Variants in BCAS3 observed in about 807,000 individuals in gnomAD.
The protein encoded by BCAS3 is BCAS3 microtubule associated cell migration factor.
Under a neutral mutation model 116.1 loss-of-function variants are expected in BCAS3, and 53 were observed. That is an observed-to-expected ratio of 0.46 (90% confidence interval 0.37 to 0.57). BCAS3 has a LOEUF of 0.57. Ranked by LOEUF, BCAS3 falls within the 20% of genes least tolerant of loss-of-function variation. BCAS3 has a pLI of 0.00. For missense variants in BCAS3, 917 were observed against 1,165.4 expected (o/e 0.79, Z 3.10); for synonymous variants, 391 against 408.2 (o/e 0.96, Z 0.51).
chr17:61,045,978 TATATATATATTTA>T (rs2068165563), intron 19 of BCAS3, among the ~76,000 whole-genome samples: 1 of 9,178 alleles, frequency 1.1e-4, no homozygotes, highest in African/African-American at 2.0e-3. Flanking sequence ...ATATATATAT[TATATATATATTTA>T]TATATATATA....
intron 5 of BCAS3, among the ~76,000 whole-genome samples, chr17:60,739,456 C>T (rs988471626): frequency 2.0e-5 from 3 of 152,038 alleles, no homozygotes; most frequent in Non-Finnish European, 4.4e-5. Context: ...CCTGTCTCTA[C>T]TAAAACTACG....
chr17:60,794,833 G>A (rs2047073998), intron 6 of BCAS3, among the ~76,000 whole-genome samples: 2 of 152,146 alleles, frequency 1.3e-5, no homozygotes, highest in African/African-American at 2.4e-5. Flanking sequence ...AAATTAGGTA[G>A]TATGAGGCCT....
Position 61,008,944 on chromosome 17 carries a change from A to C in BCAS3, c.1487-6807A>C, listed in dbSNP as rs1185323256. ...GCTCAGTAATCCGATTTCAAAATGC[A>C]AGAGTTCCAAATAGGAGACCAAAGA... On this transcript the variant is annotated intron_variant, in intron 15 of 23. Coordinates refer to ENST00000407086, the MANE Select transcript of BCAS3 (RefSeq NM_017679.5). The surrounding 1 kb of genome is among the most constrained non-coding windows in gnomAD (Gnocchi z 4.6). 1.3e-5 allele frequency among the ~76,000 whole-genome samples: 2 copies of C among 152,040 alleles called. No individual in the cohort carries two copies. Among genetic ancestry groups the C allele is most frequent in the Non-Finnish European group, 2.9e-5 (2 of 67,972 alleles).
Position 61,228,307 on chromosome 17 carries a change from A to G in BCAS3, c.2426-140020A>G, listed in dbSNP as rs367956935. On this transcript the variant is annotated intron_variant, in intron 22 of 23. Coordinates refer to ENST00000407086, the MANE Select transcript of BCAS3 (RefSeq NM_017679.5). This position sits in a 1 kb window ranked among gnomAD's most constrained non-coding sequence, Gnocchi z 5.0. Reference sequence around the variant, plus strand: ...TAGACACATCAAAATCTATTACCAGAAAAGTTGCCTTACCAGGAAACCGTA... The same window carrying G: ...TAGACACATCAAAATCTATTACCAGGAAAGTTGCCTTACCAGGAAACCGTA... Among the ~76,000 whole-genome samples, 890 of 152,334 alleles carry G rather than the reference A, an allele frequency of 5.8e-3. 5 individuals are homozygous for G. Among genetic ancestry groups the G allele is most frequent in the Middle Eastern group, 0.02 (6 of 294 alleles).
chr17:61,202,856 C>T (rs954878841), intron 22 of BCAS3, among the ~76,000 whole-genome samples: 12 of 152,140 alleles, frequency 7.9e-5, no homozygotes, highest in Non-Finnish European at 1.3e-4. Context: ...GCCTAAATAT[C>T]TCATAGATTA....
chr17:60,686,255 G>T (rs555526058), intron 3 of BCAS3, among the ~76,000 whole-genome samples: 1 of 152,038 alleles, frequency 6.6e-6, no homozygotes, highest in Admixed American at 6.6e-5. Context: ...AGAGTCCTGC[G>T]TTGGTACTTT....
At chr17:61,353,301 T>G (rs1207876551) in intron 22 of BCAS3, among the ~76,000 whole-genome samples, 1 of 152,090 alleles carries the variant, frequency 6.6e-6, no homozygotes, top group Non-Finnish European at 1.5e-5. Flanking sequence ...GAGTAGGGTG[T>G]GGGCAGTGAT....
intron 6 of BCAS3, among the ~76,000 whole-genome samples, chr17:60,771,634 G>A (rs763731379): frequency 6.6e-6 from 1 of 151,968 alleles, no homozygotes; most frequent in Non-Finnish European, 1.5e-5. Flanking sequence ...CATGTGCCAT[G>A]TTGGTGTGCT....
chr17:61,356,764 G>A lies in BCAS3; in HGVS notation c.2426-11563G>A, dbSNP rs967124132. 2 of 152,200 alleles carry A rather than the reference G, an allele frequency of 1.3e-5. No individual in the cohort carries two copies. The highest frequency in any genetic ancestry group is 4.8e-5 in the African/African-American group (2 of 41,446). The allele number at this position is 152,200 out of a possible 1,614,324, so 9.4% of individuals were successfully genotyped here. A position where few individuals can be genotyped will look rare whatever the true frequency, so the allele number is the denominator to read the frequency against. Reference sequence around the variant, plus strand: ...TCTGATGTATGAAATTTGTACAGAGGTGGAATCGTTTCTGCCATTTTTCAC... The same window carrying A: ...TCTGATGTATGAAATTTGTACAGAGATGGAATCGTTTCTGCCATTTTTCAC... On this transcript the variant is annotated intron_variant, in intron 22 of 23. Transcript: ENST00000407086. The surrounding 1 kb of genome is among the most constrained non-coding windows in gnomAD (Gnocchi z 5.4).
At position 61,285,812 on chromosome 17, in the gene BCAS3, C is replaced by G. The variant is rs1459239622; in HGVS notation, c.2426-82515C>G. Among the ~76,000 whole-genome samples the G allele has an allele frequency of 6.6e-5, 10 of 152,038 alleles. No homozygotes were observed. Among genetic ancestry groups the G allele is most frequent in the Non-Finnish European group, 2.9e-5 (2 of 67,998 alleles). On this transcript the variant is annotated intron_variant, in intron 22 of 23. Coordinates refer to ENST00000407086, the MANE Select transcript of BCAS3 (RefSeq NM_017679.5). The surrounding 1 kb of genome is among the most constrained non-coding windows in gnomAD (Gnocchi z 5.4). ...GGTAAAGGAGCCTGCAGCTGAGCCT[C>G]GAGTTTCTCATGTCTTCCCTCCCAT... is the stretch of plus-strand genomic sequence containing the variant.
intron 7 of BCAS3, among the ~76,000 whole-genome samples, chr17:60,815,433 T>TA (rs1240904370): frequency 2.0e-5 from 3 of 151,754 alleles, no homozygotes; most frequent in Non-Finnish European, 4.4e-5. Context: ...CCCTAGAACT[T>TA]AAAGTGTAAT....
At chr17:61,094,357 C>T (rs2073829061) in intron 22 of BCAS3, among the ~76,000 whole-genome samples, 1 of 152,158 alleles carries the variant, frequency 6.6e-6, no homozygotes, top group African/African-American at 2.4e-5. Context: ...CCCATTTTAT[C>T]TGAATAAAAC....
Position 60,962,928 on chromosome 17 carries a change from T to C in BCAS3, c.1221+15576T>C, listed in dbSNP as rs76237269. Among the ~76,000 whole-genome samples the C allele has an allele frequency of 4.7e-3, 711 of 152,320 alleles. 4 individuals are homozygous for C. The highest frequency in any genetic ancestry group is 6.9e-3 in the Non-Finnish European group (472 of 68,018). On this transcript the variant is annotated intron_variant, in intron 14 of 23. Coordinates refer to ENST00000407086, the MANE Select transcript of BCAS3 (RefSeq NM_017679.5). This position sits in a 1 kb window ranked among gnomAD's most constrained non-coding sequence, Gnocchi z 4.4. ...ATTTGATTTTTGTTATGGTGAGAGA[T>C]AGAGGTCTAGTTTCATTCTTCTGCA...
At chr17:60,954,478 A>G (rs1468518875) in intron 14 of BCAS3, among the ~76,000 whole-genome samples, 1 of 152,174 alleles carries the variant, frequency 6.6e-6, no homozygotes, top group Non-Finnish European at 1.5e-5. Context: ...ATTAATTCAC[A>G]CTGTTGTGCA....
intron 22 of BCAS3, among the ~76,000 whole-genome samples, chr17:61,294,256 T>C (rs1050314295): frequency 6.6e-6 from 1 of 152,198 alleles, no homozygotes; most frequent in Non-Finnish European, 1.5e-5. Flanking sequence ...TAATATCATA[T>C]GTTTTTATTC....
At chr17:61,338,724 G>A (rs1034674780) in intron 22 of BCAS3, among the ~76,000 whole-genome samples, 5 of 152,062 alleles carry the variant, frequency 3.3e-5, no homozygotes, top group Non-Finnish European at 5.9e-5. Context: ...GCAGGCCCGC[G>A]TGGGAGTCGT....
chr17:61,024,242 A>G (rs552919873), intron 16 of BCAS3, among the ~76,000 whole-genome samples: 2 of 152,324 alleles, frequency 1.3e-5, no homozygotes, highest in Admixed American at 1.3e-4. Context: ...GTCAGTCACT[A>G]TAATTCTTTG....
At chr17:61,201,544 C>T (rs2080814842) in intron 22 of BCAS3, among the ~76,000 whole-genome samples, 1 of 152,078 alleles carries the variant, frequency 6.6e-6, no homozygotes, top group African/African-American at 2.4e-5. Context: ...CTGAAAGAGT[C>T]CTTCTGGCTT....
chr17:61,192,853 T>C lies in BCAS3; in HGVS notation c.2425+108289T>C, dbSNP rs188796143. ...CATATTATAATTTACTTACATGGAA[T>C]GAAAACCTCAGACAGTAATGACAAG... On this transcript the variant is annotated intron_variant, in intron 22 of 23. Transcript: ENST00000407086. Among the ~76,000 whole-genome samples the C allele has an allele frequency of 3.3e-5, 5 of 152,330 alleles. No homozygotes were observed. The East Asian group carries it at 7.7e-4, about 23-fold the overall frequency.
Sources: allele counts gnomAD v4.1 joint callset (sites outside exome capture counted in the v4.1 genomes callset), GRCh38; gene constraint gnomAD v4.1.1; non-coding constraint Gnocchi (gnomAD v3.1); transcripts MANE v1.5; gene names NCBI Gene and HGNC (gene_info 2026-07-23, HGNC 2026-07-21).